Variants in HNRNPC observed in about 807,000 individuals in gnomAD.
The protein encoded by HNRNPC is heterogeneous nuclear ribonucleoprotein C, also known as heterogeneous nuclear ribonucleoproteins C1/C2.
A neutral mutation model predicts 33.2 loss-of-function variants in HNRNPC; 3 were observed. The observed-to-expected ratio is 0.09, with a 90% CI of 0.04 to 0.23. HNRNPC has a LOEUF of 0.23. HNRNPC is among the 10% of genes least tolerant of loss of function. The probability of loss-of-function intolerance (pLI) is 1.00; values close to 1 mark genes in which losing one functional copy is unlikely to be tolerated. For missense variants in HNRNPC, 143 were observed against 366.7 expected, an observed-to-expected ratio of 0.39 and a Z score of 4.98; for synonymous variants, 121 against 126.7, an observed-to-expected ratio of 0.96 and a Z score of 0.30.
chr14:21,232,671 G>A (rs1894243907), intron 3 of HNRNPC, among the ~76,000 whole-genome samples: 1 of 152,182 alleles, frequency 6.6e-6, no homozygotes, highest in African/African-American at 2.4e-5. Context: ...CTGGCCAAAT[G>A]TGGATATCTT....
intron 5 of HNRNPC, among the ~76,000 whole-genome samples, chr14:21,225,440 G>GAAA (rs10672627): frequency 2.1e-5 from 3 of 142,988 alleles, no homozygotes; most frequent in South Asian, 4.4e-4. Flanking sequence ...TCAAAAAAAG[G>GAAA]AAAAAAAAAA....
At chr14:21,253,416 G>C (rs1000034143) in intron 2 of HNRNPC, among the ~76,000 whole-genome samples, 3 of 133,274 alleles carry the variant, frequency 2.3e-5, no homozygotes, top group Admixed American at 1.7e-4. Context: ...GGAGCTTGCA[G>C]TGAGAGAGAT....
chr14:21,248,983 G>A (rs572580457), intron 2 of HNRNPC, among the ~76,000 whole-genome samples: 3 of 152,324 alleles, frequency 2.0e-5, no homozygotes, highest in Admixed American at 6.5e-5. Flanking sequence ...TAAATGACAC[G>A]TGACATTGAC....
intron 2 of HNRNPC, among the ~76,000 whole-genome samples, chr14:21,247,781 CTCTACTA>C (rs1398262358): frequency 6.7e-6 from 1 of 149,756 alleles, no homozygotes; most frequent in Non-Finnish European, 1.5e-5. Flanking sequence ...GAAACCCCAT[CTCTACTA>C]ACATGGTGAA....
intron 2 of HNRNPC, among the ~76,000 whole-genome samples, chr14:21,258,462 C>T (rs1173046651): frequency 1.3e-5 from 2 of 152,032 alleles, no homozygotes; most frequent in African/African-American, 4.8e-5. Context: ...AAATCTGCAC[C>T]CTTAATCCCA....
chr14:21,225,195 C>CA (rs1893281063), intron 5 of HNRNPC, among the ~76,000 whole-genome samples: 1 of 151,164 alleles, frequency 6.6e-6, no homozygotes, highest in Non-Finnish European at 1.5e-5. Flanking sequence ...GCGAGGTGGG[C>CA]AGATCACCTG....
At chr14:21,214,952 A>G (rs192396048) in intron 5 of HNRNPC, among the ~76,000 whole-genome samples, 3 of 152,294 alleles carry the variant, frequency 2.0e-5, no homozygotes, top group Admixed American at 2.0e-4. Context: ...CTCCTAAGCC[A>G]CAAACCTTCA....
At chr14:21,243,153 G>A (rs1895556614) in intron 2 of HNRNPC, among the ~76,000 whole-genome samples, 1 of 152,208 alleles carries the variant, frequency 6.6e-6, no homozygotes, top group East Asian at 1.9e-4. Flanking sequence ...ACACTAGACT[G>A]GGCAAAAGAG....
chr14:21,244,820 T>C (rs965630589), intron 2 of HNRNPC, among the ~76,000 whole-genome samples: 3 of 152,036 alleles, frequency 2.0e-5, no homozygotes, highest in Admixed American at 6.6e-5. Context: ...TACTGAACAC[T>C]ATAAGAAGTT....
At chr14:21,249,593 C>CA (rs756880620) in intron 2 of HNRNPC, among the ~76,000 whole-genome samples, 5,553 of 83,486 alleles carry the variant, frequency 0.067, 131 homozygotes, top group African/African-American at 0.07. Context: ...GTCTCAAAAA[C>CA]AAAAAAAAAA....
At chr14:21,258,863 G>C (rs564628942) in intron 2 of HNRNPC, among the ~76,000 whole-genome samples, 6 of 152,158 alleles carry the variant, frequency 3.9e-5, no homozygotes, top group Non-Finnish European at 5.9e-5. Context: ...GGCTTGGGAT[G>C]ATTATTTTCT....
chr14:21,266,629 C>G (rs892656533), intron 1 of HNRNPC, among the ~76,000 whole-genome samples: 2 of 149,492 alleles, frequency 1.3e-5, no homozygotes, highest in Admixed American at 1.4e-4. Flanking sequence ...CTGGTTCTCA[C>G]CAATCCTCTA....
intron 2 of HNRNPC, chr14:21,234,787 T>C (rs555254189): frequency 4.8e-5 from 7 of 144,452 alleles, no homozygotes; most frequent in African/African-American, 1.7e-4. Context: ...TATAATTTTC[T>C]TCAAAAGGCA....
intron 2 of HNRNPC, among the ~76,000 whole-genome samples, chr14:21,248,619 A>G (rs528310104): frequency 2.4e-4 from 37 of 152,324 alleles, no homozygotes; most frequent in African/African-American, 8.4e-4. Flanking sequence ...ACAGGTGACT[A>G]ACAATACTAA....
intron 2 of HNRNPC, among the ~76,000 whole-genome samples, chr14:21,247,541 G>A (rs573592483): frequency 5.9e-5 from 9 of 151,992 alleles, no homozygotes; most frequent in South Asian, 4.2e-4. Flanking sequence ...TTTGTACCCC[G>A]AAAAGTTACA....
At chr14:21,251,833 A>T (rs1896714463) in intron 2 of HNRNPC, among the ~76,000 whole-genome samples, 1 of 152,234 alleles carries the variant, frequency 6.6e-6, no homozygotes, top group South Asian at 2.1e-4. Context: ...CATAGAACAT[A>T]AATAATCTCA....
At chr14:21,255,351 A>G (rs897255815) in intron 2 of HNRNPC, among the ~76,000 whole-genome samples, 2 of 152,190 alleles carry the variant, frequency 1.3e-5, no homozygotes, top group African/African-American at 4.8e-5. Flanking sequence ...GATTAGGTAG[A>G]AATAATAAAA....
chr14:21,237,875 G>A (rs1407848149), intron 2 of HNRNPC, among the ~76,000 whole-genome samples: 4 of 152,136 alleles, frequency 2.6e-5, no homozygotes, highest in Non-Finnish European at 5.9e-5. Context: ...TGTTCCAAGT[G>A]ATTCTCCTGC....
intron 2 of HNRNPC, among the ~76,000 whole-genome samples, chr14:21,261,599 A>C (rs1290971709): frequency 6.6e-6 from 1 of 152,186 alleles, no homozygotes; most frequent in African/African-American, 2.4e-5. Flanking sequence ...ATATGCCTTC[A>C]AAAAATTATT....
Sources: allele counts gnomAD v4.1 joint callset (sites outside exome capture counted in the v4.1 genomes callset), GRCh38; gene constraint gnomAD v4.1.1; transcripts MANE v1.5; gene names NCBI Gene and HGNC (gene_info 2026-07-23, HGNC 2026-07-21).